Variants in TTYH2 observed in about 807,000 individuals in gnomAD.
The protein encoded by TTYH2 is tweety family member 2.
TTYH2 carries 49 observed loss-of-function variants against 68.3 expected under a neutral mutation model. The ratio of observed to expected loss-of-function variants is 0.72; its 90% CI spans 0.57 to 0.91. The LOEUF (loss-of-function observed/expected upper bound fraction) is 0.91. Ranked by LOEUF, TTYH2 falls within the 40% of genes least tolerant of loss-of-function variation. TTYH2 has a pLI of 0.00. For synonymous variants in TTYH2, 272 were observed against 300.8 expected, an observed-to-expected ratio of 0.90 and a Z score of 0.99; for missense variants, 631 against 700.4, an observed-to-expected ratio of 0.90 and a Z score of 1.12.
rs772895387 is a variant in TTYH2, at chr17:74,260,119, C to T, written c.1525-10C>T. The T allele has an allele frequency of 6.2e-6, 10 of 1,613,132 alleles. No individual in the cohort carries two copies. The Admixed American group carries it at 6.7e-5, about 11-fold the overall frequency. On this transcript the variant is annotated splice_polypyrimidine_tract_variant and intron_variant, in intron 13 of 13. Transcript: ENST00000269346. ...CAGCTCTGACCATCCCCTCTCTTCT[C>T]TCTTGGCAGTACTCTCCCAGCATGA...
At chr17:74,240,438 C>CAAA (rs762865595) in intron 4 of TTYH2, among the ~76,000 whole-genome samples, 75 of 117,894 alleles carry the variant, frequency 6.4e-4, no homozygotes, top group African/African-American at 2.2e-3. Flanking sequence ...GACTCTGTCT[C>CAAA]AAAAAAAAAA....
chr17:74,228,142 C>G (rs1337969189), intron 2 of TTYH2, among the ~76,000 whole-genome samples: 3 of 152,012 alleles, frequency 2.0e-5, no homozygotes, highest in Non-Finnish European at 2.9e-5. Flanking sequence ...CGCCACCACG[C>G]CCAGCTAATT....
At chr17:74,218,241 C>T (rs1024954847) in intron 1 of TTYH2, among the ~76,000 whole-genome samples, 6 of 152,150 alleles carry the variant, frequency 3.9e-5, no homozygotes, top group African/African-American at 1.4e-4. Flanking sequence ...CCTTGCCCAC[C>T]TTCCCTCTTC....
chr17:74,224,063 G>T (rs529192023), intron 2 of TTYH2, among the ~76,000 whole-genome samples: 1 of 152,230 alleles, frequency 6.6e-6, no homozygotes, highest in Non-Finnish European at 1.5e-5. Flanking sequence ...GGTCACAGTC[G>T]AGTGCGGTTC....
chr17:74,240,094 G>A (rs28609526), intron 4 of TTYH2, among the ~76,000 whole-genome samples: 55,640 of 152,046 alleles, frequency 0.37, 10,759 homozygotes, highest in African/African-American at 0.48. Context: ...CTATTTCAGC[G>A]TGGGTGATTG....
At chr17:74,225,885 T>C (rs8066555) in intron 2 of TTYH2, among the ~76,000 whole-genome samples, 16,785 of 152,146 alleles carry the variant, frequency 0.11, 2,439 homozygotes, top group African/African-American at 0.34. Flanking sequence ...GTCGCATAGA[T>C]GCGGGCAAGA....
At chr17:74,243,914 T>TGGGGGGGCTGGGGGGGG in intron 5 of TTYH2, 63 bp from the exon 6 acceptor site, 1 of 1,203,952 alleles carries the variant, frequency 8.3e-7, no homozygotes, top group Non-Finnish European at 1.1e-6. Context: ...GCAGGGTGGG[T>TGGGGGGGCTGGGGGGGG]GGGGTGATGG....
intron 10 of TTYH2, among the ~76,000 whole-genome samples, chr17:74,251,302 CAT>C (rs1433040731): frequency 7.2e-6 from 1 of 138,128 alleles, no homozygotes; most frequent in Non-Finnish European, 1.5e-5. Context: ...GGTGTGTGTG[CAT>C]GTGTGTTGTG....
chr17:74,255,884 G>A (rs1227059335), intron 13 of TTYH2, among the ~76,000 whole-genome samples: 1 of 152,188 alleles, frequency 6.6e-6, no homozygotes, highest in African/African-American at 2.4e-5. Context: ...GTTTGGAAGG[G>A]GACATCCAAC....
Position 74,215,722 on chromosome 17 carries a change from C to G in TTYH2, c.129+2006C>G. 1 of 1,535,404 alleles carries G rather than the reference C, an allele frequency of 6.5e-7. No individual in the cohort carries two copies. The highest frequency in any genetic ancestry group is 8.7e-7 in the Non-Finnish European group (1 of 1,146,612). On this transcript the variant is annotated intron_variant, in intron 1 of 13. Transcript: ENST00000269346. This position sits in a 1 kb window ranked among gnomAD's most constrained non-coding sequence, Gnocchi z 4.3. ...GTGGCTCCTGTTTTTGGTAAGTTCC[C>G]CTGTTGTGACCACAGGTCTCTCCTG...
intron 2 of TTYH2, among the ~76,000 whole-genome samples, chr17:74,225,087 C>T (rs139950751): frequency 1.0e-3 from 159 of 151,684 alleles, no homozygotes; most frequent in African/African-American, 3.7e-3. Context: ...TGAGTCCAGG[C>T]GTTCCTGGGT....
chr17:74,218,213 CCCT>C (rs1479268217), intron 1 of TTYH2, among the ~76,000 whole-genome samples: 2 of 152,072 alleles, frequency 1.3e-5, no homozygotes, highest in Non-Finnish European at 2.9e-5. Flanking sequence ...CTCCTCTTTT[CCCT>C]CCTCCTTCCT....
chr17:74,243,240 C>A, intron 4 of TTYH2, 134 bp from the exon 5 acceptor site: 1 of 727,334 alleles, frequency 1.4e-6, no homozygotes, highest in Non-Finnish European at 2.4e-6. Flanking sequence ...ATGCTGGGTG[C>A]TTGCTGGCTC....
chr17:74,253,672 A>C, intron 12 of TTYH2, 83 bp from the exon 13 acceptor site: 1 of 1,348,208 alleles, frequency 7.4e-7, no homozygotes, highest in Non-Finnish European at 1.1e-6. Context: ...CCATGTGCTC[A>C]CCCATGGGAC....
chr17:74,227,990 T>C (rs1374857125), intron 2 of TTYH2, among the ~76,000 whole-genome samples: 12 of 144,564 alleles, frequency 8.3e-5, no homozygotes, highest in Admixed American at 8.0e-4. Context: ...TTTCTTTTTT[T>C]TTTTTTTTTT....
chr17:74,225,697 G>A (rs754739778), intron 2 of TTYH2, among the ~76,000 whole-genome samples: 6 of 152,200 alleles, frequency 3.9e-5, no homozygotes, highest in South Asian at 2.1e-4. Context: ...GCCTATCAGC[G>A]GCTGCAGAAC....
intron 3 of TTYH2, among the ~76,000 whole-genome samples, chr17:74,234,530 A>C (rs2050422850): frequency 1.3e-5 from 2 of 152,244 alleles, no homozygotes; most frequent in African/African-American, 4.8e-5. Context: ...TAGGAGTTCA[A>C]GAACAGCCTG....
At chr17:74,233,841 C>T (rs889522208) in intron 3 of TTYH2, among the ~76,000 whole-genome samples, 8 of 152,118 alleles carry the variant, frequency 5.3e-5, no homozygotes, top group African/African-American at 1.2e-4. Flanking sequence ...GTAGCCAGCA[C>T]GGCCCCTCCA....
chr17:74,244,315 G>C (rs532440482), intron 6 of TTYH2, among the ~76,000 whole-genome samples: 1 of 152,374 alleles, frequency 6.6e-6, no homozygotes, highest in African/African-American at 2.4e-5. Context: ...GGCTGCCCAG[G>C]CATGCTTAGG....
Sources: allele counts gnomAD v4.1 joint callset (sites outside exome capture counted in the v4.1 genomes callset), GRCh38; gene constraint gnomAD v4.1.1; non-coding constraint Gnocchi (gnomAD v3.1); transcripts MANE v1.5; gene names NCBI Gene and HGNC (gene_info 2026-07-23, HGNC 2026-07-21).